PDE4C: variants seen among roughly 807,000 people sequenced by gnomAD.
PDE4C encodes 3',5'-cyclic-AMP phosphodiesterase 4C.
PDE4C carries 50 observed loss-of-function variants against 63.9 expected under a neutral mutation model. The observed-to-expected ratio is 0.78, with a 90% CI of 0.62 to 0.99. The LOEUF (loss-of-function observed/expected upper bound fraction) is 0.99, where lower values mean the gene tolerates loss of function less well. PDE4C is among the 50% of genes least tolerant of loss of function. The pLI is 0.00. For missense variants in PDE4C, 777 were observed against 899.1 expected (o/e 0.86, Z 1.74); for synonymous variants, 377 against 385.1 (o/e 0.98, Z 0.25).
chr19:18,239,758 G>A (rs562909025), intron 1 of PDE4C, among the ~76,000 whole-genome samples: 2 of 152,220 alleles, frequency 1.3e-5, no homozygotes, highest in East Asian at 3.9e-4. Context: ...AGGCGCGGTG[G>A]CTCACGCCTG....
upstream of PDE4C, among the ~76,000 whole-genome samples, chr19:18,227,251 A>T (rs938233156): frequency 1.1e-4 from 17 of 152,132 alleles, no homozygotes; most frequent in Admixed American, 9.2e-4. Flanking sequence ...TGAGGCTTCC[A>T]TGGACGCGGT....
At chr19:18,249,432 G>T (rs558820813), upstream of PDE4C, among the ~76,000 whole-genome samples, 2 of 151,834 alleles carry the variant, frequency 1.3e-5, no homozygotes, top group South Asian at 2.1e-4. Flanking sequence ...ACACCACCAC[G>T]CCTGGCTAAT....
At chr19:18,226,488 G>A (rs1968732794), upstream of PDE4C, 7 of 1,274,594 alleles carry the variant, frequency 5.5e-6, no homozygotes, top group Non-Finnish European at 7.0e-6. Flanking sequence ...CGGGGGCGGG[G>A]CCCAGCGGGG....
upstream of PDE4C, among the ~76,000 whole-genome samples, chr19:18,228,442 G>A (rs752161507): frequency 2.6e-5 from 4 of 152,104 alleles, no homozygotes; most frequent in Non-Finnish European, 5.9e-5. Context: ...GCACAGAAAG[G>A]CACAGTCATT....
intron 1 of PDE4C, among the ~76,000 whole-genome samples, chr19:18,242,454 C>T (rs1024946391): frequency 8.9e-5 from 8 of 90,166 alleles, no homozygotes; most frequent in African/African-American, 3.6e-4. Context: ...CTGGCCTGGG[C>T]AACAAAGGGA....
intron 1 of PDE4C, among the ~76,000 whole-genome samples, chr19:18,222,765 T>A (rs1358443969): frequency 7.0e-6 from 1 of 142,412 alleles, no homozygotes; most frequent in East Asian, 2.2e-4. Context: ...AGTGGTGTGA[T>A]CCTACCTCAC....
upstream of PDE4C, among the ~76,000 whole-genome samples, chr19:18,234,746 C>A (rs2148057455): frequency 6.6e-6 from 1 of 152,310 alleles, no homozygotes; most frequent in African/African-American, 2.4e-5. Flanking sequence ...CCAGTGACCC[C>A]AGCCATGTCC....
At chr19:18,252,379 G>C (rs1013629597), upstream of PDE4C, 2 of 399,070 alleles carry the variant, frequency 5.0e-6, no homozygotes, top group African/African-American at 2.1e-5. Context: ...GATTTGGGGG[G>C]TTCCCCTGAA....
intron 12 of PDE4C, among the ~76,000 whole-genome samples, chr19:18,215,089 G>A (rs1968132876): frequency 6.6e-6 from 1 of 151,854 alleles, no homozygotes. Context: ...TGTCCCAAAT[G>A]CTGTCTCCCC....
At chr19:18,238,392 C>T (rs1193726230), upstream of PDE4C, among the ~76,000 whole-genome samples, 1 of 151,644 alleles carries the variant, frequency 6.6e-6, no homozygotes. Context: ...CCCACCACCA[C>T]GCCTGGCTAA....
intron 12 of PDE4C, among the ~76,000 whole-genome samples, chr19:18,216,076 C>T (rs959192054): frequency 5.9e-5 from 9 of 151,944 alleles, no homozygotes; most frequent in African/African-American, 1.9e-4. Flanking sequence ...AGTGATCCAC[C>T]CGCCTCAGCC....
chr19:18,228,921 T>C (rs1332143477), upstream of PDE4C, among the ~76,000 whole-genome samples: 5 of 152,006 alleles, frequency 3.3e-5, no homozygotes, highest in African/African-American at 7.2e-5. Context: ...TTATTTTATT[T>C]TATTTTATTT....
downstream of PDE4C, chr19:18,210,307 C>T (rs1967868369): frequency 6.6e-6 from 1 of 152,348 alleles, no homozygotes; most frequent in African/African-American, 2.4e-5. Context: ...CAGGCATAAG[C>T]CACTATGCCT....
intron 2 of PDE4C, among the ~76,000 whole-genome samples, chr19:18,221,753 T>C (rs939345005): frequency 6.6e-6 from 1 of 152,026 alleles, no homozygotes; most frequent in African/African-American, 2.4e-5. Flanking sequence ...GCCTCCTGAG[T>C]AGCTGGGACT....
chr19:18,219,342 G>A (rs1968359485), exon 8 of PDE4C: 1 of 1,613,788 alleles, frequency 6.2e-7, no homozygotes, highest in Admixed American at 1.7e-5. Context: ...TCCGGGACAT[G>A]GGCTGTGGGG....
At chr19:18,253,835 A>T in the PDE4C span, among the ~76,000 whole-genome samples, 13 of 152,188 alleles carry the variant, frequency 8.5e-5, no homozygotes, top group Non-Finnish European at 1.6e-4. Flanking sequence ...GCAGTTCATG[A>T]GCCACCTCCC....
At chr19:18,215,815 T>C (rs1276645319) in intron 12 of PDE4C, among the ~76,000 whole-genome samples, 1 of 149,860 alleles carries the variant, frequency 6.7e-6, no homozygotes, top group Non-Finnish European at 1.5e-5. Flanking sequence ...GCCTGGCTGC[T>C]TAATTTTTTT....
Position 18,222,656 on chromosome 19 carries a change from T to TC in PDE4C, c.147-334_147-333insG, listed in dbSNP as rs1362324728. On this transcript the variant is annotated intron_variant, in intron 1 of 14. Transcript: ENST00000262805. ...TCTTTTTTTTTTTTCTTTCTCGTTC[T>TC]TTCTCTCTCTCTCTCTCTCTCTCTC... 4.8e-4 allele frequency among the ~76,000 whole-genome samples: 43 copies of TC among 89,896 alleles called. No individual in the cohort carries two copies. In the East Asian group the frequency reaches 0.012, roughly 26 times the overall value. 59.0% of individuals were successfully genotyped at this position (89,896 alleles called of 152,430 possible). A position where few individuals can be genotyped will look rare whatever the true frequency, so the allele number is the denominator to read the frequency against.
intron 1 of PDE4C, among the ~76,000 whole-genome samples, chr19:18,243,855 T>G (rs1969085376): frequency 6.6e-6 from 1 of 151,892 alleles, no homozygotes; most frequent in Non-Finnish European, 1.5e-5. Context: ...CACTCCTGAT[T>G]TTTTATCTTT....
Sources: allele counts gnomAD v4.1 joint callset (sites outside exome capture counted in the v4.1 genomes callset), GRCh38; gene constraint gnomAD v4.1.1; transcripts MANE v1.5; gene names NCBI Gene and HGNC (gene_info 2026-07-23, HGNC 2026-07-21).